Variants in TRAPPC9 observed in about 807,000 individuals in gnomAD.
TRAPPC9 encodes the protein IKK2 binding protein.
TRAPPC9 carries 83 observed loss-of-function variants against 124.0 expected under a neutral mutation model. The observed-to-expected ratio is 0.67, with a 90% confidence interval of 0.56 to 0.80. The LOEUF (loss-of-function observed/expected upper bound fraction) is 0.80. Among genes scored for constraint, TRAPPC9 ranks in the 30% least tolerant of loss-of-function variants. TRAPPC9 has a pLI of 0.00. For synonymous variants in TRAPPC9, 638 were observed against 617.5 expected (o/e 1.03, Z -0.49); for missense variants, 1,302 against 1,508.3 (o/e 0.86, Z 2.27).
At chr8:139,815,352 C>T (rs1180443940) in intron 21 of TRAPPC9, among the ~76,000 whole-genome samples, 2 of 151,970 alleles carry the variant, frequency 1.3e-5, no homozygotes, top group Non-Finnish European at 2.9e-5. Context: ...AATTCACATT[C>T]CTTCCATTTC....
At chr8:140,126,033 A>C (rs530938457) in intron 17 of TRAPPC9, among the ~76,000 whole-genome samples, 1 of 152,156 alleles carries the variant, frequency 6.6e-6, no homozygotes, top group East Asian at 1.9e-4. Context: ...CGGCCTCCCA[A>C]AGTGCTGGGA....
chr8:139,986,532 C>T (rs534882784), intron 19 of TRAPPC9, among the ~76,000 whole-genome samples: 31 of 152,282 alleles, frequency 2.0e-4, no homozygotes, highest in Middle Eastern at 3.4e-3. Context: ...CATTAAGAGA[C>T]GCTACTGTTA....
At chr8:140,013,315 C>T (rs1294851019) in intron 18 of TRAPPC9, among the ~76,000 whole-genome samples, 1 of 152,138 alleles carries the variant, frequency 6.6e-6, no homozygotes, top group South Asian at 2.1e-4. Flanking sequence ...TCCAGCACTG[C>T]ACTTCCTGTC....
At position 139,907,039 on chromosome 8, in the gene TRAPPC9, C is replaced by T. The variant is rs369054176; in HGVS notation, c.2964+3108G>A. On this transcript the variant is annotated intron_variant, in intron 20 of 22. Coordinates refer to ENST00000438773, the MANE Select transcript of TRAPPC9 (RefSeq NM_001160372.4). This position sits in a 1 kb window ranked among gnomAD's most constrained non-coding sequence, Gnocchi z 4.7. ...GTGACCTGAGGGAAGCTCCCATCAG[C>T]CCCACAACGCTGCACTGCAAGTGCC... Among the ~76,000 whole-genome samples the T allele has an allele frequency of 5.3e-5, 8 of 152,354 alleles. No homozygotes were observed. The highest frequency in any genetic ancestry group is 1.7e-4 in the African/African-American group (7 of 41,586).
At chr8:140,017,600 A>T in intron 18 of TRAPPC9, among the ~76,000 whole-genome samples, 1 of 152,208 alleles carries the variant, frequency 6.6e-6, no homozygotes. Context: ...TCTTTACACC[A>T]ATAACATACT....
At chr8:139,794,015 C>T (rs534106840) in intron 21 of TRAPPC9, among the ~76,000 whole-genome samples, 1 of 152,328 alleles carries the variant, frequency 6.6e-6, no homozygotes, top group African/African-American at 2.4e-5. Context: ...AGGCTCCTCC[C>T]CGTCACCCCT....
intron 5 of TRAPPC9, among the ~76,000 whole-genome samples, chr8:140,418,364 T>G (rs1428006247): frequency 6.6e-6 from 1 of 152,186 alleles, no homozygotes; most frequent in Non-Finnish European, 1.5e-5. Flanking sequence ...AGGCTAATGT[T>G]GCCCTAATAC....
At position 140,285,151 on chromosome 8, in the gene TRAPPC9, G is replaced by A. The variant is rs576453040; in HGVS notation, c.1982-1130C>T. On this transcript the variant is annotated intron_variant, in intron 13 of 22. Transcript: ENST00000438773. ...GTCCTTTTGACCTTGTTCCCAAAGC[G>A]GGCTAAAAATGAACACTCACTAGTC... Among the ~76,000 whole-genome samples, 115 of 152,228 alleles carry A rather than the reference G, an allele frequency of 7.6e-4. No homozygotes were observed. The South Asian group carries it at 0.022, about 29-fold the overall frequency.
chr8:140,129,105 C>G (rs2061153831), intron 17 of TRAPPC9, among the ~76,000 whole-genome samples: 1 of 151,734 alleles, frequency 6.6e-6, no homozygotes, highest in Non-Finnish European at 1.5e-5. Flanking sequence ...GTCCTTCTTT[C>G]TAAGCGTCCA....
rs1329243657 is a variant in TRAPPC9, at chr8:139,859,741, G to C, written c.3055+26138C>G. Among the ~76,000 whole-genome samples, 3 of 152,330 alleles carry C rather than the reference G, an allele frequency of 2.0e-5. No individual in the cohort carries two copies. In the East Asian group the frequency reaches 5.8e-4, roughly 29 times the overall value. ...GTGCCAAGAAGAGAGGCACGTCTTT[G>C]GGAAGAGCTGCAGTATGTTCTGGCC... On this transcript the variant is annotated intron_variant, in intron 21 of 22. Coordinates refer to ENST00000438773, the MANE Select transcript of TRAPPC9 (RefSeq NM_001160372.4).
chr8:139,891,895 A>G (rs1237736265), intron 20 of TRAPPC9, among the ~76,000 whole-genome samples: 1 of 152,254 alleles, frequency 6.6e-6, no homozygotes, highest in East Asian at 1.9e-4. Context: ...AGAGAAGGAA[A>G]GAGGCACAAA....
intron 21 of TRAPPC9, among the ~76,000 whole-genome samples, chr8:139,783,194 C>T (rs1821957745): frequency 6.6e-6 from 1 of 151,818 alleles, no homozygotes; most frequent in South Asian, 2.1e-4. Flanking sequence ...AAATGGAAAT[C>T]AATGAAATAA....
At chr8:139,865,450 G>A (rs1041701010) in intron 21 of TRAPPC9, among the ~76,000 whole-genome samples, 1 of 152,210 alleles carries the variant, frequency 6.6e-6, no homozygotes, top group African/African-American at 2.4e-5. Context: ...CATAGAGGGG[G>A]TGAAACAGAC....
At chr8:140,458,150 G>A (rs2071768115), upstream of TRAPPC9, 1 of 1,216,278 alleles carries the variant, frequency 8.2e-7, no homozygotes, top group Admixed American at 2.3e-5. Context: ...AGGAGGGAAG[G>A]AGGGAGATGG....
chr8:140,313,119 TACAAC>T (rs2066344330), intron 9 of TRAPPC9, among the ~76,000 whole-genome samples: 1 of 152,206 alleles, frequency 6.6e-6, no homozygotes, highest in Non-Finnish European at 1.5e-5. Context: ...TACTTTTGAA[TACAAC>T]ACAACAATGT....
chr8:140,294,858 C>G (rs563636290), intron 11 of TRAPPC9, among the ~76,000 whole-genome samples: 6 of 152,142 alleles, frequency 3.9e-5, no homozygotes, highest in African/African-American at 1.2e-4. Context: ...TAATCCCCCC[C>G]ACCTTGGCCT....
chr8:140,074,605 A>T (rs1843386038), intron 17 of TRAPPC9, among the ~76,000 whole-genome samples: 1 of 152,220 alleles, frequency 6.6e-6, no homozygotes, highest in Non-Finnish European at 1.5e-5. Context: ...GTTGTCAGAC[A>T]GACTTTGTTC....
intron 18 of TRAPPC9, among the ~76,000 whole-genome samples, chr8:140,021,597 G>A (rs372650606): frequency 2.0e-5 from 3 of 152,192 alleles, no homozygotes; most frequent in African/African-American, 7.2e-5. Flanking sequence ...ATTTCTGATG[G>A]ATGAGCTTAT....
intron 21 of TRAPPC9, among the ~76,000 whole-genome samples, chr8:139,838,249 C>G (rs920232874): frequency 6.6e-6 from 1 of 152,206 alleles, no homozygotes; most frequent in Admixed American, 6.5e-5. Flanking sequence ...GCTTCCCCTG[C>G]CCCCTGTGCT....
Sources: allele counts gnomAD v4.1 joint callset (sites outside exome capture counted in the v4.1 genomes callset), GRCh38; gene constraint gnomAD v4.1.1; non-coding constraint Gnocchi (gnomAD v3.1); transcripts MANE v1.5; gene names NCBI Gene and HGNC (gene_info 2026-07-23, HGNC 2026-07-21).